Variants in CDC42BPA observed in about 807,000 individuals in gnomAD.
CDC42BPA encodes serine/threonine-protein kinase MRCK alpha.
In CDC42BPA, 80 loss-of-function variants were observed where a neutral mutation model predicts 223.5. The ratio of observed to expected loss-of-function variants is 0.36; its 90% CI spans 0.30 to 0.43. CDC42BPA has a LOEUF of 0.43. Ranked by LOEUF, CDC42BPA falls within the 20% of genes least tolerant of loss-of-function variation. CDC42BPA has a pLI of 1.00. For synonymous variants in CDC42BPA, 694 were observed against 718.6 expected (o/e 0.97, Z 0.55); for missense variants, 1,743 against 2,099.9 (o/e 0.83, Z 3.32).
At chr1:227,230,311 A>G (rs1677607267) in intron 2 of CDC42BPA, among the ~76,000 whole-genome samples, 1 of 152,236 alleles carries the variant, frequency 6.6e-6, no homozygotes, top group South Asian at 2.1e-4. Context: ...ATATAAGCAA[A>G]AGTGTCATAA....
At chr1:227,253,108 T>C (rs564029883) in intron 2 of CDC42BPA, among the ~76,000 whole-genome samples, 1 of 152,146 alleles carries the variant, frequency 6.6e-6, no homozygotes, top group Non-Finnish European at 1.5e-5. Flanking sequence ...GACTCAGTAG[T>C]ATTGTTAAAA....
At chr1:227,093,027 T>C (rs544183242) in intron 15 of CDC42BPA, among the ~76,000 whole-genome samples, 20 of 152,322 alleles carry the variant, frequency 1.3e-4, no homozygotes, top group Non-Finnish European at 2.1e-4. Context: ...CAATTCAAGT[T>C]ATCCCTACCA....
rs72110440 is a variant in CDC42BPA at position 227,089,627 on chromosome 1, GTTTTTT to G, written c.2355+2253_2355+2258del. The stretch of plus-strand genomic sequence containing the variant: ...CAATTTAGCAAGAATGGGTAATTCC[GTTTTTT>G]TTTTTTTTTTTTTTTTTTAAAAACA... On this transcript the variant is annotated intron_variant, in intron 16 of 36. Transcript: ENST00000366766. Among the ~76,000 whole-genome samples, 902 of 116,716 alleles carry G rather than the reference GTTTTTT, an allele frequency of 7.7e-3. 3 individuals carry two copies. Among genetic ancestry groups the G allele is most frequent in the Non-Finnish European group, 0.012 (691 of 58,482 alleles). The allele number at this position is 116,716 out of a possible 152,430, so 76.6% of individuals were successfully genotyped here. A position where few individuals can be genotyped will look rare whatever the true frequency, so the allele number is the denominator to read the frequency against.
At chr1:227,213,252 A>G (rs1674248376) in intron 2 of CDC42BPA, 33 bp from the exon 3 acceptor site, 1 of 1,111,358 alleles carries the variant, frequency 9.0e-7, no homozygotes, top group Non-Finnish European at 1.3e-6. Flanking sequence ...AAATTTTAAA[A>G]TAATGACAAA....
intron 34 of CDC42BPA, among the ~76,000 whole-genome samples, chr1:227,006,948 C>CACAACAACA (rs1558265968): frequency 9.9e-6 from 1 of 101,334 alleles, no homozygotes; most frequent in African/African-American, 3.4e-5. Flanking sequence ...GAGACTCCGT[C>CACAACAACA]TCAACAACAA....
chr1:227,196,937 T>C (rs2150185891), intron 4 of CDC42BPA, among the ~76,000 whole-genome samples: 1 of 152,310 alleles, frequency 6.6e-6, no homozygotes, highest in East Asian at 1.9e-4. Flanking sequence ...AATGTTGATA[T>C]AACTAAGCAG....
At position 227,058,566 on chromosome 1, in the gene CDC42BPA, G is replaced by A. The variant is rs77888847; in HGVS notation, c.2905-6581C>T. Among the ~76,000 whole-genome samples, 132 of 152,204 alleles carry A rather than the reference G, an allele frequency of 8.7e-4. 1 individual carries two copies. The East Asian group carries it at 0.019, about 22-fold the overall frequency. On this transcript the variant is annotated intron_variant, in intron 21 of 36. Transcript: ENST00000366766. ...TCCCAACACTGTCAGCTACCCTGTCGCTTTTCAAATAGGGAGTATGTATGT... is the reference window on the plus strand; with the variant it reads ...TCCCAACACTGTCAGCTACCCTGTCACTTTTCAAATAGGGAGTATGTATGT...
chr1:227,084,443 G>A (rs938998202), intron 16 of CDC42BPA, among the ~76,000 whole-genome samples: 4 of 150,830 alleles, frequency 2.7e-5, no homozygotes, highest in Admixed American at 6.6e-5. Flanking sequence ...CAGGAAAATC[G>A]CTTGAACTCA....
At chr1:227,158,259 C>A (rs1663188620) in intron 6 of CDC42BPA, among the ~76,000 whole-genome samples, 1 of 152,198 alleles carries the variant, frequency 6.6e-6, no homozygotes, top group Admixed American at 6.5e-5. Context: ...TGTGACCGAC[C>A]TATGATCACT....
rs146751138 is a variant in CDC42BPA at position 226,996,807 on chromosome 1, G to A, written c.4976-1827C>T. ...ACCAGTCTTGCATCTCAGGGATGAA[G>A]CCGACTTGATCGTGGTGGATAAGCT... is the stretch of plus-strand genomic sequence containing the variant. On this transcript the variant is annotated intron_variant, in intron 35 of 36. Coordinates refer to ENST00000366766, the MANE Select transcript of CDC42BPA (RefSeq NM_001394014.1). Among the ~76,000 whole-genome samples the A allele has an allele frequency of 2.6e-3, 392 of 152,332 alleles. 9 individuals carry two copies. The East Asian group carries it at 0.048, about 19-fold the overall frequency.
At chr1:227,111,619 G>C (rs917767438) in intron 14 of CDC42BPA, among the ~76,000 whole-genome samples, 14 of 152,094 alleles carry the variant, frequency 9.2e-5, no homozygotes. Flanking sequence ...TCAGTAGCTG[G>C]GATTACAGGC....
chr1:227,160,329 A>G (rs576517679), intron 6 of CDC42BPA, among the ~76,000 whole-genome samples: 94 of 152,324 alleles, frequency 6.2e-4, no homozygotes, highest in Non-Finnish European at 1.2e-3. Context: ...CAATCTTAAG[A>G]TCACTGATAT....
chr1:227,220,307 T>C (rs994263023), intron 2 of CDC42BPA, among the ~76,000 whole-genome samples: 2 of 67,208 alleles, frequency 3.0e-5, no homozygotes, highest in African/African-American at 1.4e-4. Flanking sequence ...TATATATATA[T>C]ATATACACAC....
Position 226,999,637 on chromosome 1 carries a change from G to C in CDC42BPA, c.4976-4657C>G, listed in dbSNP as rs142048714. 2.6e-3 allele frequency among the ~76,000 whole-genome samples: 390 copies of C among 152,212 alleles called. 8 individuals carry two copies. The East Asian group carries it at 0.047, about 19-fold the overall frequency. On this transcript the variant is annotated intron_variant, in intron 35 of 36. Transcript: ENST00000366766. ...GGATTATAAATCATTCTACTATAAA[G>C]ACACATGCACACGTATGTTTATTGC...
chr1:227,087,204 T>C (rs1031126760), intron 16 of CDC42BPA, among the ~76,000 whole-genome samples: 5 of 150,970 alleles, frequency 3.3e-5, no homozygotes, highest in African/African-American at 9.7e-5. Context: ...ATATTTCAGA[T>C]TGTGATCCAC....
At chr1:227,046,922 A>G (rs982206143) in intron 23 of CDC42BPA, among the ~76,000 whole-genome samples, 2 of 152,162 alleles carry the variant, frequency 1.3e-5, no homozygotes, top group Non-Finnish European at 2.9e-5. Flanking sequence ...TACTGTTACT[A>G]TGAAAAAATC....
intron 35 of CDC42BPA, among the ~76,000 whole-genome samples, chr1:227,001,606 C>G (rs577814142): frequency 3.3e-5 from 5 of 152,258 alleles, no homozygotes; most frequent in South Asian, 2.1e-4. Flanking sequence ...CATGTGATGA[C>G]AAAACCTAAT....
Position 227,028,608 on chromosome 1 carries a change from A to T in CDC42BPA, c.4432+49T>A, listed in dbSNP as rs1370403391. 5.6e-6 allele frequency: 7 copies of T among 1,242,778 alleles called. No homozygotes were observed. The African/African-American group carries it at 7.5e-5, about 13-fold the overall frequency. 77.0% of individuals were successfully genotyped at this position (1,242,778 alleles called of 1,614,324 possible). A position where few individuals can be genotyped will look rare whatever the true frequency, so the allele number is the denominator to read the frequency against. The stretch of plus-strand genomic sequence containing the variant: ...TTTGGGAGACGAAGTAGAAGGGAAA[A>T]GGAAGAAGAGATATAAAGATAAGAC... On this transcript the variant is annotated intron_variant, in intron 30 of 36. Coordinates refer to ENST00000366766, the MANE Select transcript of CDC42BPA (RefSeq NM_001394014.1).
chr1:227,018,914 A>T (rs1666832390), intron 32 of CDC42BPA, among the ~76,000 whole-genome samples: 1 of 152,214 alleles, frequency 6.6e-6, no homozygotes, highest in Admixed American at 6.5e-5. Context: ...TCTTGTTGAT[A>T]GTTGGAGGGT....
Sources: allele counts gnomAD v4.1 joint callset (sites outside exome capture counted in the v4.1 genomes callset), GRCh38; gene constraint gnomAD v4.1.1; transcripts MANE v1.5; gene names NCBI Gene and HGNC (gene_info 2026-07-23, HGNC 2026-07-21).